Variants in KY observed in about 807,000 individuals in gnomAD.
KY encodes the protein kyphoscoliosis peptidase.
KY carries 43 observed loss-of-function variants against 76.1 expected under a neutral mutation model. The ratio of observed to expected loss-of-function variants is 0.57; its 90% CI spans 0.44 to 0.73. The LOEUF (loss-of-function observed/expected upper bound fraction) is 0.73, where lower values mean the gene tolerates loss of function less well. Ranked by LOEUF, KY falls within the 30% of genes least tolerant of loss-of-function variation. The pLI is 0.00. For synonymous variants in KY, 277 were observed against 326.2 expected, an observed-to-expected ratio of 0.85 and a Z score of 1.63; for missense variants, 722 against 828.9, an observed-to-expected ratio of 0.87 and a Z score of 1.58.
chr3:134,621,664 T>A (rs1299328787), intron 6 of KY, among the ~76,000 whole-genome samples: 1 of 152,188 alleles, frequency 6.6e-6, no homozygotes, highest in Non-Finnish European at 1.5e-5. Flanking sequence ...TGGCAATGAA[T>A]TCTTAGATAT....
intron 10 of KY, chr3:134,606,895 T>C (rs2107750006): frequency 2.0e-6 from 2 of 984,550 alleles, no homozygotes; most frequent in South Asian, 9.4e-5. Context: ...AGGTGCCCTC[T>C]TCCTTCCCTT....
At chr3:134,637,499 T>C (rs2107963316) in intron 3 of KY, among the ~76,000 whole-genome samples, 1 of 152,360 alleles carries the variant, frequency 6.6e-6, no homozygotes, top group South Asian at 2.1e-4. Flanking sequence ...TAAAGAACTC[T>C]ATTTGACCCA....
Position 134,610,675 on chromosome 3 carries a change from C to T in KY, c.711-292G>A, listed in dbSNP as rs574065638. Reference sequence around the variant, plus strand: ...CAGATCACTTCTGAAATGTTCATCCCTAGAGCCTGCTTGACACGCTCCTCA... The same window carrying T: ...CAGATCACTTCTGAAATGTTCATCCTTAGAGCCTGCTTGACACGCTCCTCA... On this transcript the variant is annotated intron_variant, in intron 8 of 10. Transcript: ENST00000423778. The T allele has an allele frequency of 1.8e-3, 556 of 305,062 alleles. 8 individuals are homozygous for T. The highest frequency in any genetic ancestry group is 8.9e-4 in the Middle Eastern group (1 of 1,126). 18.9% of individuals were successfully genotyped at this position (305,062 alleles called of 1,614,324 possible). A position where few individuals can be genotyped will look rare whatever the true frequency, so the allele number is the denominator to read the frequency against.
At chr3:134,635,718 G>A (rs189069815) in intron 3 of KY, among the ~76,000 whole-genome samples, 4 of 151,934 alleles carry the variant, frequency 2.6e-5, no homozygotes, top group East Asian at 3.9e-4. Flanking sequence ...ACAAACATTC[G>A]ATTTTACTGT....
At chr3:134,628,204 G>A (rs1198518697) in intron 4 of KY, 1 of 208,246 alleles carries the variant, frequency 4.8e-6, no homozygotes, top group African/African-American at 2.3e-5. Flanking sequence ...ACTGACCATG[G>A]ATGGAAACAA....
chr3:134,621,731 TA>T (rs778797805), intron 6 of KY, among the ~76,000 whole-genome samples: 1 of 151,838 alleles, frequency 6.6e-6, no homozygotes, highest in African/African-American at 2.4e-5. Flanking sequence ...TTCGTGAAAA[TA>T]AAAAATTTCT....
chr3:134,622,723 G>C (rs556453821), intron 6 of KY, among the ~76,000 whole-genome samples: 6 of 152,114 alleles, frequency 3.9e-5, no homozygotes, highest in South Asian at 2.1e-4. Context: ...AGCTTTCTTC[G>C]TAGGGGCCCT....
intron 4 of KY, among the ~76,000 whole-genome samples, chr3:134,628,995 C>T (rs564711229): frequency 2.0e-5 from 3 of 152,322 alleles, no homozygotes; most frequent in Non-Finnish European, 2.9e-5. Flanking sequence ...TGTTACTTAA[C>T]CTGCATTCTT....
At chr3:134,646,097 A>G (rs1014637732) in intron 2 of KY, among the ~76,000 whole-genome samples, 1 of 152,206 alleles carries the variant, frequency 6.6e-6, no homozygotes, top group Non-Finnish European at 1.5e-5. Context: ...ACATGGGCTT[A>G]GCATGCATAC....
At chr3:134,625,850 A>C (rs1338335899) in intron 5 of KY, among the ~76,000 whole-genome samples, 1 of 152,256 alleles carries the variant, frequency 6.6e-6, no homozygotes, top group African/African-American at 2.4e-5. Context: ...ACCAGAGACC[A>C]AACCACGAGT....
intron 3 of KY, among the ~76,000 whole-genome samples, chr3:134,631,935 A>G (rs1037738723): frequency 1.3e-5 from 2 of 152,148 alleles, no homozygotes; most frequent in African/African-American, 4.8e-5. Context: ...TTCACTTTCC[A>G]AGGATCCAAC....
chr3:134,635,402 C>T (rs1399260915), intron 3 of KY, among the ~76,000 whole-genome samples: 1 of 145,504 alleles, frequency 6.9e-6, no homozygotes, highest in Non-Finnish European at 1.5e-5. Context: ...GAGGCTGAGG[C>T]AGGAGAATCG....
In KY at chr3:134,610,342, T is replaced by G; in HGVS notation, c.752A>C (p.Lys251Thr). 1 of 1,613,432 alleles carries G rather than the reference T, an allele frequency of 6.2e-7. No individual in the cohort carries two copies. The highest frequency in any genetic ancestry group is 8.5e-7 in the Non-Finnish European group (1 of 1,179,746). The part of the protein sequence containing the change: ...VQCMTVPGYS[K>T]GFGYQTGQSF... ...CTGCCCTGTCTGGTAGCCGAAACCC[T>G]TGGAGTAGCCAGGCACGGTCATACA... Residue 251 changes from lysine (K) to threonine (T), a missense_variant, in exon 9 of 11, where the codon AAG becomes ACG. Coordinates refer to ENST00000423778, the MANE Select transcript of KY (RefSeq NM_178554.6).
At chr3:134,618,247 C>A (rs1298590889) in intron 8 of KY, among the ~76,000 whole-genome samples, 3 of 152,104 alleles carry the variant, frequency 2.0e-5, no homozygotes, top group Non-Finnish European at 2.9e-5. Flanking sequence ...ACCCAGTGCT[C>A]GGCAGCTGCC....
intron 3 of KY, among the ~76,000 whole-genome samples, chr3:134,637,754 G>C (rs924295009): frequency 6.6e-6 from 1 of 152,208 alleles, no homozygotes; most frequent in Non-Finnish European, 1.5e-5. Context: ...TTGCCATCCT[G>C]CGTTACATGC....
At chr3:134,621,985 G>A (rs762683298) in intron 6 of KY, among the ~76,000 whole-genome samples, 2 of 152,198 alleles carry the variant, frequency 1.3e-5, no homozygotes, top group Non-Finnish European at 2.9e-5. Flanking sequence ...TTAGTCATGA[G>A]AGAAATGTAA....
At chr3:134,649,184 T>A (rs2108053308) in intron 1 of KY, among the ~76,000 whole-genome samples, 1 of 152,278 alleles carries the variant, frequency 6.6e-6, no homozygotes, top group Non-Finnish European at 1.5e-5. Context: ...CAGAAAAATA[T>A]TTGGAGAAAA....
chr3:134,632,005 T>C (rs1463029064), intron 3 of KY, among the ~76,000 whole-genome samples: 3 of 152,106 alleles, frequency 2.0e-5, no homozygotes, highest in African/African-American at 4.8e-5. Flanking sequence ...GGAGTTGCTA[T>C]GTTAATATCA....
At chr3:134,650,473 A>G (rs1043546356) in intron 1 of KY, among the ~76,000 whole-genome samples, 2 of 152,142 alleles carry the variant, frequency 1.3e-5, no homozygotes, top group Non-Finnish European at 2.9e-5. Flanking sequence ...TCTGCTACCC[A>G]TGAGTCAGCC....
Sources: allele counts gnomAD v4.1 joint callset (sites outside exome capture counted in the v4.1 genomes callset), GRCh38; gene constraint gnomAD v4.1.1; transcripts MANE v1.5; gene names NCBI Gene and HGNC (gene_info 2026-07-23, HGNC 2026-07-21).